EDIL3: variants seen among roughly 807,000 people sequenced by gnomAD.
EDIL3 encodes the protein EGF like and discoidin domains 3.
EDIL3 carries 37 observed loss-of-function variants against 67.4 expected under a neutral mutation model. That is an observed-to-expected ratio of 0.55 (90% CI 0.42 to 0.72). The LOEUF (loss-of-function observed/expected upper bound fraction) is 0.72, where lower values mean the gene tolerates loss of function less well. Among genes scored for constraint, EDIL3 ranks in the 30% least tolerant of loss-of-function variants. EDIL3 has a pLI of 0.00. For synonymous variants in EDIL3, 195 were observed against 196.3 expected (o/e 0.99, Z 0.05); for missense variants, 527 against 586.3 (o/e 0.90, Z 1.04).
intron 9 of EDIL3, among the ~76,000 whole-genome samples, chr5:84,020,076 CAAAAA>C (rs9293362): frequency 7.8e-6 from 1 of 128,326 alleles, no homozygotes; most frequent in Non-Finnish European, 1.6e-5. Flanking sequence ...ATCTTTTGTA[CAAAAA>C]AAAAAAAAAA....
At chr5:84,248,407 T>C (rs991191634) in intron 2 of EDIL3, among the ~76,000 whole-genome samples, 4 of 152,202 alleles carry the variant, frequency 2.6e-5, no homozygotes, top group Non-Finnish European at 4.4e-5. Context: ...TCTGGCTCCT[T>C]TACAGATTTC....
intron 9 of EDIL3, among the ~76,000 whole-genome samples, chr5:83,984,771 G>A (rs1043540232): frequency 1.3e-5 from 2 of 151,952 alleles, no homozygotes; most frequent in African/African-American, 4.8e-5. Flanking sequence ...ACGGGATGTC[G>A]TCTGCTTCAC....
At chr5:83,979,865 T>C (rs534165557) in intron 9 of EDIL3, among the ~76,000 whole-genome samples, 1 of 152,268 alleles carries the variant, frequency 6.6e-6, no homozygotes, top group African/African-American at 2.4e-5. Flanking sequence ...TTACCATTTA[T>C]GATTCTAATG....
chr5:84,106,041 C>A (rs1011561932), intron 6 of EDIL3, among the ~76,000 whole-genome samples: 3 of 152,090 alleles, frequency 2.0e-5, no homozygotes, highest in Non-Finnish European at 4.4e-5. Flanking sequence ...CATAGTTCAT[C>A]TAAATGCTCA....
chr5:84,309,854 C>A (rs1364346449), intron 1 of EDIL3, among the ~76,000 whole-genome samples: 4 of 152,154 alleles, frequency 2.6e-5, no homozygotes, highest in Non-Finnish European at 5.9e-5. Flanking sequence ...TGGGTATATA[C>A]CCAGTAATGG....
intron 4 of EDIL3, among the ~76,000 whole-genome samples, chr5:84,175,826 T>G (rs1748894712): frequency 6.6e-6 from 1 of 152,128 alleles, no homozygotes; most frequent in Admixed American, 6.6e-5. Context: ...ATATGGATGT[T>G]TTTAACTAAA....
intron 3 of EDIL3, among the ~76,000 whole-genome samples, chr5:84,189,172 G>A (rs969180852): frequency 6.6e-6 from 1 of 151,966 alleles, no homozygotes; most frequent in Non-Finnish European, 1.5e-5. Flanking sequence ...TGGTGGATAA[G>A]CTTTGATGGT....
intron 9 of EDIL3, among the ~76,000 whole-genome samples, chr5:84,048,850 T>A: frequency 6.6e-6 from 1 of 152,126 alleles, no homozygotes; most frequent in East Asian, 1.9e-4. Flanking sequence ...TTTAGTTCCG[T>A]GAACAAAACC....
At chr5:84,031,144 T>G (rs533036952) in intron 9 of EDIL3, among the ~76,000 whole-genome samples, 1 of 152,280 alleles carries the variant, frequency 6.6e-6, no homozygotes, top group Non-Finnish European at 1.5e-5. Flanking sequence ...TGACATCATT[T>G]TACCCCAATT....
chr5:84,315,659 G>A (rs1580073343), intron 1 of EDIL3, among the ~76,000 whole-genome samples: 1 of 152,228 alleles, frequency 6.6e-6, no homozygotes, highest in African/African-American at 2.4e-5. Context: ...AAGTTTCCCT[G>A]AATGTGTAGA....
chr5:84,064,918 A>C, intron 7 of EDIL3, 74 bp from the exon 8 acceptor site: 1 of 1,447,446 alleles, frequency 6.9e-7, no homozygotes, highest in Non-Finnish European at 9.2e-7. Context: ...CCCTATCTAT[A>C]CCTTATCGAA....
intron 3 of EDIL3, among the ~76,000 whole-genome samples, chr5:84,186,166 C>T (rs1243002343): frequency 6.6e-6 from 1 of 151,934 alleles, no homozygotes; most frequent in Non-Finnish European, 1.5e-5. Context: ...TACCCCCATT[C>T]CATAGTCTTC....
Position 84,254,091 on chromosome 5 carries a change from C to A in EDIL3, c.189G>T (p.Val63=). ...GFTDPNCSSV[V]EVASDEEEPT... ...CTTAAATTTTGCACTTACCAACCTCCACAACACTAGAACAGTTGGGGTCTG... is the reference window on the plus strand; with the variant it reads ...CTTAAATTTTGCACTTACCAACCTCAACAACACTAGAACAGTTGGGGTCTG... Residue 63 remains valine, a synonymous_variant, in exon 2 of 11, where the codon GTG becomes GTT. Transcript: ENST00000296591. The A allele has an allele frequency of 6.3e-7, 1 of 1,596,806 alleles. No homozygotes were observed. The highest frequency in any genetic ancestry group is 1.2e-5 in the South Asian group (1 of 86,294).
chr5:84,234,086 G>A (rs962308811), intron 2 of EDIL3, among the ~76,000 whole-genome samples: 1 of 152,112 alleles, frequency 6.6e-6, no homozygotes, highest in Non-Finnish European at 1.5e-5. Flanking sequence ...AATCAGTTTT[G>A]TTGTTCCTTT....
chr5:84,278,772 C>G (rs1745637845), intron 1 of EDIL3, among the ~76,000 whole-genome samples: 1 of 152,062 alleles, frequency 6.6e-6, no homozygotes, highest in African/African-American at 2.4e-5. Flanking sequence ...GATGTGCTGA[C>G]TCCTCTCCCA....
intron 3 of EDIL3, among the ~76,000 whole-genome samples, chr5:84,182,878 G>C (rs1215821462): frequency 2.0e-5 from 3 of 152,012 alleles, no homozygotes; most frequent in African/African-American, 7.2e-5. Flanking sequence ...GTTTTGTGCT[G>C]TGAAGCACAT....
intron 1 of EDIL3, among the ~76,000 whole-genome samples, chr5:84,378,886 T>C (rs1347358050): frequency 6.6e-6 from 1 of 152,206 alleles, no homozygotes; most frequent in Non-Finnish European, 1.5e-5. Context: ...ATCTTCCTTT[T>C]CTTTCCTCAC....
At chr5:84,244,899 T>C (rs1427095025) in intron 2 of EDIL3, among the ~76,000 whole-genome samples, 1 of 152,182 alleles carries the variant, frequency 6.6e-6, no homozygotes, top group Non-Finnish European at 1.5e-5. Flanking sequence ...GAACACAAAC[T>C]ATTGTGAACT....
At chr5:84,347,022 T>TA (rs1169198978) in intron 1 of EDIL3, among the ~76,000 whole-genome samples, 67 of 151,684 alleles carry the variant, frequency 4.4e-4, no homozygotes, top group Non-Finnish European at 5.6e-4. Context: ...CAACAAGTAC[T>TA]AAAAAAAAAT....
Sources: allele counts gnomAD v4.1 joint callset (sites outside exome capture counted in the v4.1 genomes callset), GRCh38; gene constraint gnomAD v4.1.1; transcripts MANE v1.5; gene names NCBI Gene and HGNC (gene_info 2026-07-23, HGNC 2026-07-21).